Variants in ZNF605 observed in about 807,000 individuals in gnomAD.
ZNF605 encodes the protein zinc finger protein 605.
In ZNF605, 9 loss-of-function variants were observed where a neutral mutation model predicts 7.9. The observed-to-expected ratio is 1.14, with a 90% CI of 0.68 to 1.98. The LOEUF is 1.98. Among genes scored for constraint, ZNF605 ranks in the 30% most tolerant of loss-of-function variants. The probability of loss-of-function intolerance (pLI) is 0.00; values close to 1 mark genes in which losing one functional copy is unlikely to be tolerated. For missense variants in ZNF605, 673 were observed against 762.4 expected (o/e 0.88, Z 1.38); for synonymous variants, 255 against 260.1 (o/e 0.98, Z 0.19).
In ZNF605 at chr12:132,926,852, TC is replaced by T; in HGVS notation, c.446del (p.Arg149LysfsTer15). On this transcript the variant is annotated frameshift_variant, in exon 5 of 5. Coordinates refer to ENST00000360187, the MANE Select transcript of ZNF605 (RefSeq NM_183238.4). LOFTEE classifies it low-confidence loss of function (END_TRUNC). ...GIKYCDCSTC[R>X]KSSNEEPWLT... ...GCCATGGCTCTTCGTTGCTGGATTT[TC>T]TACATGTACTGCAATCACAGTATTT... The T allele has an allele frequency of 6.2e-7, 1 of 1,614,226 alleles. No individual in the cohort carries two copies. The highest frequency in any genetic ancestry group is 8.5e-7 in the Non-Finnish European group (1 of 1,180,040).
chr12:132,939,857 A>AT (rs536164212), intron 3 of ZNF605, among the ~76,000 whole-genome samples: 3,691 of 150,604 alleles, frequency 0.025, 164 homozygotes, highest in African/African-American at 0.086. Flanking sequence ...AGCCAGCGAG[A>AT]CCACGAGCCC....
chr12:132,939,977 A>C (rs1180795947), intron 3 of ZNF605, among the ~76,000 whole-genome samples: 1 of 151,896 alleles, frequency 6.6e-6, no homozygotes, highest in African/African-American at 2.4e-5. Context: ...CACCAGAAGG[A>C]AGAAACTCCG....
intron 1 of ZNF605, among the ~76,000 whole-genome samples, chr12:132,953,885 C>T (rs1172183500): frequency 2.0e-5 from 3 of 152,036 alleles, no homozygotes; most frequent in Admixed American, 1.3e-4. Context: ...GGCATTGATC[C>T]CAAGCCCTCC....
rs1952250018 is a variant in ZNF605 at position 132,926,574 on chromosome 12, A to G, written c.725T>C (p.Leu242Ser). The G allele has an allele frequency of 1.9e-6, 3 of 1,614,108 alleles. No individual in the cohort carries two copies. The highest frequency in any genetic ancestry group is 3.3e-5 in the Admixed American group (2 of 60,012). The change falls in exon 5 of 5, where the codon TTA becomes TCA. Residue 242 changes from leucine to serine, a missense_variant. Physicochemically the swap from Leu to Ser is moderately radical, Grantham distance 145 (BLOSUM62 -2). Transcript: ENST00000360187. ...CTCTCCAGTATGAATTCTCTGATGTAAAATGAGGAGTGACTTCCTACTAAA... is the reference window on the plus strand; with the variant it reads ...CTCTCCAGTATGAATTCTCTGATGTGAAATGAGGAGTGACTTCCTACTAAA... ...KAFSRKSLLI[L>S]HQRIHTGEKP...
chr12:132,945,760 T>C lies in ZNF605; in HGVS notation c.-125A>G. On this transcript the variant is annotated 5_prime_UTR_variant, in exon 3 of 5. It adds an upstream start codon to the 5' untranslated region. Coordinates refer to ENST00000360187, the MANE Select transcript of ZNF605 (RefSeq NM_183238.4). ...CTTGGTCTTGTGGGCTCTTCTTTCT[T>C]ATCTCACATGAATTGTCTTGTTCCA... 1 of 1,361,976 alleles carries C rather than the reference T, an allele frequency of 7.3e-7. No individual in the cohort carries two copies. The highest frequency in any genetic ancestry group is 2.3e-5 in the East Asian group (1 of 43,530). The allele number at this position is 1,361,976 out of a possible 1,614,324, so 84.4% of individuals were successfully genotyped here.
In ZNF605 at chr12:132,939,281, C is replaced by T. The variant is rs1373051422; in HGVS notation, c.16-6126G>A. 3.3e-5 allele frequency among the ~76,000 whole-genome samples: 5 copies of T among 152,310 alleles called. No homozygotes were observed. In the South Asian group the frequency reaches 6.2e-4, roughly 19 times the overall value. ...CAGGGATTGTAAATACACCAATCAG[C>T]ACCCTGTGTTTAGCTCAAGGTTTGT... On this transcript the variant is annotated intron_variant, in intron 3 of 4. Coordinates refer to ENST00000360187, the MANE Select transcript of ZNF605 (RefSeq NM_183238.4).
At chr12:132,937,135 G>T (rs1224645799) in intron 3 of ZNF605, among the ~76,000 whole-genome samples, 2 of 152,148 alleles carry the variant, frequency 1.3e-5, no homozygotes, top group Admixed American at 1.3e-4. Flanking sequence ...GAGGCAGGCG[G>T]ATCACCTGAG....
At chr12:132,944,111 T>C (rs1952474121) in intron 3 of ZNF605, among the ~76,000 whole-genome samples, 1 of 152,206 alleles carries the variant, frequency 6.6e-6, no homozygotes, top group Admixed American at 6.5e-5. Context: ...GTGACTGTCA[T>C]TGTTGTTGTC....
At chr12:132,936,266 TAAGTA>T (rs1406187834) in intron 3 of ZNF605, among the ~76,000 whole-genome samples, 1 of 151,812 alleles carries the variant, frequency 6.6e-6, no homozygotes, top group Non-Finnish European at 1.5e-5. Context: ...AAATGCATAA[TAAGTA>T]AAGTTAAGAA....
At position 132,925,600 on chromosome 12, in the gene ZNF605, C is replaced by T. The variant is rs1394635426; in HGVS notation, c.1699G>A (p.Ala567Thr). The change falls in exon 5 of 5, where the codon GCA (alanine) becomes ACA (threonine). Residue 567 changes from alanine to threonine, a missense_variant. Ala to Thr is a moderately conservative substitution (Grantham distance 58). Coordinates refer to ENST00000360187, the MANE Select transcript of ZNF605 (RefSeq NM_183238.4). The stretch of plus-strand genomic sequence containing the variant: ...TGTGCCTTCTCAAAGAAAGCTTTTG[C>T]ACAATCGCTGCATCCATAGGTTTTC... ...GEKTYGCSDC[A>T]KAFFEKAQLI... The T allele has an allele frequency of 6.2e-7, 1 of 1,614,132 alleles. No individual in the cohort carries two copies. The highest frequency in any genetic ancestry group is 1.7e-5 in the Admixed American group (1 of 60,022).
chr12:132,953,413 C>A (rs1021968985), intron 1 of ZNF605, among the ~76,000 whole-genome samples: 5 of 152,130 alleles, frequency 3.3e-5, no homozygotes, highest in Admixed American at 6.6e-5. Flanking sequence ...ATCACAGATA[C>A]CCAAAGGCCA....
At chr12:132,949,763 TTC>T (rs1952537644) in intron 1 of ZNF605, among the ~76,000 whole-genome samples, 1 of 152,142 alleles carries the variant, frequency 6.6e-6, no homozygotes, top group African/African-American at 2.4e-5. Flanking sequence ...GAACTCTGGA[TTC>T]TGACCCAAAC....
At chr12:132,942,923 T>C (rs1171537426) in intron 3 of ZNF605, among the ~76,000 whole-genome samples, 6 of 152,228 alleles carry the variant, frequency 3.9e-5, no homozygotes, top group Admixed American at 2.6e-4. Context: ...ATAGCCATGG[T>C]CTGCTGTTGC....
Position 132,925,688 on chromosome 12 carries a change from T to C in ZNF605, c.1611A>G (p.Glu537=). ...HTGEKPYECS[E]CGKAFVQKVQ... ...CTTTCTGAACAAATGCTTTCCCACA[T>C]TCACTGCATTCATAGGGTTTCTCCC... Residue 537 remains glutamate, a synonymous_variant, in exon 5 of 5, where the codon GAA becomes GAG. Coordinates refer to ENST00000360187, the MANE Select transcript of ZNF605 (RefSeq NM_183238.4). 6.2e-7 allele frequency: 1 copy of C among 1,614,162 alleles called. No homozygotes were observed. Among genetic ancestry groups the C allele is most frequent in the South Asian group, 1.1e-5 (1 of 91,088 alleles).
intron 3 of ZNF605, among the ~76,000 whole-genome samples, chr12:132,935,526 T>G (rs897625866): frequency 2.6e-5 from 4 of 151,554 alleles, no homozygotes; most frequent in African/African-American, 9.7e-5. Context: ...GAGAAAGAGA[T>G]CAAAATAATT....
intron 1 of ZNF605, among the ~76,000 whole-genome samples, chr12:132,950,515 GCACA>G (rs1211971367): frequency 5.8e-4 from 87 of 151,032 alleles, no homozygotes; most frequent in African/African-American, 1.8e-3. Flanking sequence ...GCGCAGACAT[GCACA>G]CACACAGACG....
chr12:132,951,760 TCA>T (rs1305416037), intron 1 of ZNF605, among the ~76,000 whole-genome samples: 5 of 151,044 alleles, frequency 3.3e-5, no homozygotes, highest in African/African-American at 4.9e-5. Context: ...ACAACACACA[TCA>T]CACAGACAAG....
Position 132,925,159 on chromosome 12 carries a change from C to T in ZNF605, c.*214G>A, listed in dbSNP as rs558529357. On this transcript the variant is annotated 3_prime_UTR_variant, in exon 5 of 5. Transcript: ENST00000360187. The stretch of plus-strand genomic sequence containing the variant: ...CCTCAATGAGTCATCCAATATGTAA[C>T]GAGTAGTGTCTTCTGGGAGATGACT... The T allele has an allele frequency of 2.8e-5, 13 of 457,146 alleles. No individual in the cohort carries two copies. The highest frequency in any genetic ancestry group is 1.9e-4 in the Admixed American group (5 of 26,172). The allele number at this position is 457,146 out of a possible 1,614,324, so 28.3% of individuals were successfully genotyped here. A position where few individuals can be genotyped will look rare whatever the true frequency, so the allele number is the denominator to read the frequency against.
Position 132,933,480 on chromosome 12 carries a change from G to T in ZNF605, c.16-325C>A, listed in dbSNP as rs1435713832. ...CGCCATGTGGAAGCTCATGTGCCGT[G>T]GAACTGAGGCTTCCCAACAGCCACT... is the stretch of plus-strand genomic sequence containing the variant. On this transcript the variant is annotated intron_variant, in intron 3 of 4. Transcript: ENST00000360187. The surrounding 1 kb of genome is among the most constrained non-coding windows in gnomAD (Gnocchi z 4.4). 6.6e-6 allele frequency among the ~76,000 whole-genome samples: 1 copy of T among 152,204 alleles called. No homozygotes were observed. The highest frequency in any genetic ancestry group is 6.5e-5 in the Admixed American group (1 of 15,280).
Sources: allele counts gnomAD v4.1 joint callset (sites outside exome capture counted in the v4.1 genomes callset), GRCh38; gene constraint gnomAD v4.1.1; non-coding constraint Gnocchi (gnomAD v3.1); transcripts MANE v1.5; gene names NCBI Gene and HGNC (gene_info 2026-07-23, HGNC 2026-07-21).